GLDC: variants seen among roughly 807,000 people sequenced by gnomAD.
GLDC encodes glycine dehydrogenase (decarboxylating), mitochondrial.
A neutral mutation model predicts 121.3 loss-of-function variants in GLDC; 104 were observed. The observed-to-expected ratio is 0.86, with a 90% CI of 0.73 to 1.01. The LOEUF (loss-of-function observed/expected upper bound fraction) is 1.01. GLDC is among the 50% of genes least tolerant of loss of function. The pLI, the probability that GLDC is intolerant of heterozygous loss-of-function variation, is 0.00. For missense variants in GLDC, 1,429 were observed against 1,306.6 expected (o/e 1.09, Z -1.44); for synonymous variants, 546 against 480.6 (o/e 1.14, Z -1.78).
intron 2 of GLDC, among the ~76,000 whole-genome samples, chr9:6,625,218 C>G (rs868205499): frequency 2.6e-5 from 4 of 152,018 alleles, no homozygotes; most frequent in Admixed American, 6.6e-5. Flanking sequence ...GTGACCCGGC[C>G]GGAGGTCAAA....
At chr9:6,579,883 C>G (rs543615946) in intron 15 of GLDC, among the ~76,000 whole-genome samples, 111 of 152,300 alleles carry the variant, frequency 7.3e-4, no homozygotes, top group African/African-American at 2.5e-3. Flanking sequence ...TTTCCCTTTG[C>G]TGGCTACGGC....
intron 2 of GLDC, chr9:6,639,669 G>GTATATATATATATATA (rs150365649): frequency 0.014 from 3,209 of 226,874 alleles, 164 homozygotes; most frequent in African/African-American, 0.057. Flanking sequence ...TAAAAAAAAA[G>GTATATATATATATATA]TATATATATA....
In GLDC at chr9:6,588,932, G is replaced by A. The variant is rs1439321571; in HGVS notation, c.1581-230C>T. Among the ~76,000 whole-genome samples the A allele has an allele frequency of 5.3e-5, 8 of 152,292 alleles. No individual in the cohort carries two copies. The East Asian group carries it at 1.5e-3, about 29-fold the overall frequency. ...TATGAGTTGAAGGTTGGGAAGAAGAGGATATAGGGCTCTTGGGAGTGAACT... is the reference window on the plus strand; with the variant it reads ...TATGAGTTGAAGGTTGGGAAGAAGAAGATATAGGGCTCTTGGGAGTGAACT... On this transcript the variant is annotated intron_variant, in intron 12 of 24. Transcript: ENST00000321612.
Position 6,558,754 on chromosome 9 carries a change from C to G in GLDC, c.1927-70G>C. 2.0e-6 allele frequency: 3 copies of G among 1,529,740 alleles called. No individual in the cohort carries two copies. The East Asian group carries it at 6.7e-5, about 34-fold the overall frequency. The allele number at this position is 1,529,740 out of a possible 1,614,324, so 94.8% of individuals were successfully genotyped here. On this transcript the variant is annotated intron_variant, in intron 16 of 24. Transcript: ENST00000321612. Reference sequence around the variant, plus strand: ...GACTATGAATAATGACAGAAAAGTACTACAACATGCTTGTAGCACAAATTA... The same window carrying G: ...GACTATGAATAATGACAGAAAAGTAGTACAACATGCTTGTAGCACAAATTA...
intron 21 of GLDC, among the ~76,000 whole-genome samples, chr9:6,550,056 G>A (rs765374879): frequency 6.6e-6 from 1 of 152,148 alleles, no homozygotes; most frequent in South Asian, 2.1e-4. Context: ...GTTTGCTCCT[G>A]TGTCTCTGCT....
chr9:6,605,020 G>C, intron 6 of GLDC, 111 bp downstream of exon 6: 1 of 1,119,706 alleles, frequency 8.9e-7, no homozygotes, highest in South Asian at 1.3e-5. Flanking sequence ...ACCATTCCAT[G>C]TGATAATGGT....
chr9:6,602,311 A>G (rs1474981909), intron 7 of GLDC, 106 bp from the exon 8 acceptor site: 2 of 761,644 alleles, frequency 2.6e-6, no homozygotes, highest in Non-Finnish European at 4.6e-6. Flanking sequence ...AATTCAGCAA[A>G]TGCACTTGGG....
chr9:6,622,861 C>T (rs576234982), intron 2 of GLDC: 5,483 of 208,500 alleles, frequency 0.026, 307 homozygotes, highest in African/African-American at 0.12. Context: ...GGCCGCCCAT[C>T]GTCTGAGATG....
chr9:6,625,960 G>C (rs1819229030), intron 2 of GLDC, among the ~76,000 whole-genome samples: 1 of 152,150 alleles, frequency 6.6e-6, no homozygotes, highest in Non-Finnish European at 1.5e-5. Flanking sequence ...CTCGGGGCTA[G>C]AAGCTGAGAA....
intron 2 of GLDC, among the ~76,000 whole-genome samples, chr9:6,629,119 C>T (rs991766579): frequency 2.6e-5 from 4 of 151,908 alleles, no homozygotes; most frequent in Non-Finnish European, 5.9e-5. Flanking sequence ...TCTATAGCAA[C>T]TCCTTTGCCA....
Position 6,550,872 on chromosome 9 carries a change from T to A in GLDC, c.2500A>T (p.Ile834Leu), listed in dbSNP as rs1817498365. The A allele has an allele frequency of 6.2e-7, 1 of 1,613,776 alleles. No homozygotes were observed. Among genetic ancestry groups the A allele is most frequent in the African/African-American group, 1.3e-5 (1 of 74,922 alleles). Residue 834 changes from isoleucine (I) to leucine (L), a missense_variant, in exon 21 of 25, where the codon ATA becomes TTA. Physicochemically the swap from Ile to Leu is conservative, Grantham distance 5. Coordinates refer to ENST00000321612, the MANE Select transcript of GLDC (RefSeq NM_000170.3). ...KGLKQATETA[I>L]LNANYMAKRL... ...TTGGCCATGTAGTTGGCATTTAATA[T>A]CGCAGTTTCCGTGGCTTGTTTAAGA... is the stretch of plus-strand genomic sequence containing the variant.
chr9:6,574,750 G>C (rs963817421), intron 15 of GLDC, among the ~76,000 whole-genome samples: 2 of 151,960 alleles, frequency 1.3e-5, no homozygotes, highest in African/African-American at 4.8e-5. Context: ...ATCAGAGAGG[G>C]CTTACAGGTC....
intron 2 of GLDC, among the ~76,000 whole-genome samples, chr9:6,622,443 T>C (rs1220717815): frequency 6.6e-6 from 1 of 150,764 alleles, no homozygotes; most frequent in East Asian, 2.0e-4. Flanking sequence ...GGGGTTTCCC[T>C]GTGTTGGCCG....
chr9:6,559,828 A>T (rs1334694726), intron 16 of GLDC, among the ~76,000 whole-genome samples: 4 of 151,982 alleles, frequency 2.6e-5, no homozygotes, highest in Non-Finnish European at 4.4e-5. Flanking sequence ...AAAAAAAAAT[A>T]GCTAAAAATA....
intron 15 of GLDC, among the ~76,000 whole-genome samples, chr9:6,577,094 T>G (rs868858307): frequency 1.5e-4 from 23 of 152,152 alleles, no homozygotes; most frequent in African/African-American, 5.3e-4. Flanking sequence ...TCTGTGCGCA[T>G]AACACAGAAA....
At chr9:6,636,512 C>T (rs1035278657) in intron 2 of GLDC, among the ~76,000 whole-genome samples, 6 of 152,152 alleles carry the variant, frequency 3.9e-5, no homozygotes, top group Non-Finnish European at 7.3e-5. Context: ...AGGTGGCTCA[C>T]GCCTATGATC....
intron 3 of GLDC, among the ~76,000 whole-genome samples, chr9:6,612,283 G>A (rs902780324): frequency 4.9e-5 from 7 of 144,266 alleles, no homozygotes; most frequent in East Asian, 4.0e-4. Context: ...ACACATAGCC[G>A]CACACCAACA....
At chr9:6,543,905 A>G (rs1402046314) in intron 21 of GLDC, among the ~76,000 whole-genome samples, 1 of 150,064 alleles carries the variant, frequency 6.7e-6, no homozygotes, top group East Asian at 2.0e-4. Context: ...GGGGGGGATG[A>G]AGGAAAAGCA....
At chr9:6,584,429 C>A (rs978155055) in intron 15 of GLDC, among the ~76,000 whole-genome samples, 1 of 152,156 alleles carries the variant, frequency 6.6e-6, no homozygotes, top group Non-Finnish European at 1.5e-5. Flanking sequence ...TAAATCATGA[C>A]AAATTAGCCA....
Sources: gnomAD v4.1 joint callset for allele counts (sites outside exome capture counted in the v4.1 genomes callset) on GRCh38, gnomAD v4.1.1 for gene constraint, MANE v1.5 for transcripts, NCBI Gene and HGNC (gene_info 2026-07-23, HGNC 2026-07-21) for gene names.